Variants in DNAH9 observed in about 807,000 individuals in gnomAD.
The protein encoded by DNAH9 is DNAH9 variant protein.
A neutral mutation model predicts 471.6 loss-of-function variants in DNAH9; 345 were observed. The ratio of observed to expected loss-of-function variants is 0.73; its 90% CI spans 0.67 to 0.80. The LOEUF (loss-of-function observed/expected upper bound fraction) is 0.80, where lower values mean the gene tolerates loss of function less well. Ranked by LOEUF, DNAH9 falls within the 30% of genes least tolerant of loss-of-function variation. The pLI is 0.00. For missense variants in DNAH9, 5,407 were observed against 5,609.2 expected (o/e 0.96, Z 1.15); for synonymous variants, 2,093 against 2,123.6 (o/e 0.99, Z 0.40).
intron 26 of DNAH9, among the ~76,000 whole-genome samples, chr17:11,708,026 G>C (rs1315538217): frequency 7.4e-4 from 104 of 139,958 alleles, no homozygotes; most frequent in African/African-American, 2.8e-3. Context: ...GAGAGAGAGA[G>C]AGAGAGAGAG....
intron 68 of DNAH9, among the ~76,000 whole-genome samples, chr17:11,968,640 G>A (rs749317294): frequency 3.3e-5 from 5 of 152,186 alleles, no homozygotes; most frequent in Non-Finnish European, 5.9e-5. Flanking sequence ...AATATGGTAA[G>A]CACCACTTCC....
At chr17:11,719,047 G>A (rs1216442812) in intron 26 of DNAH9, among the ~76,000 whole-genome samples, 1 of 152,054 alleles carries the variant, frequency 6.6e-6, no homozygotes, top group Non-Finnish European at 1.5e-5. Flanking sequence ...GGACTGCAGA[G>A]GTTTGCAGCT....
chr17:11,917,250 G>A (rs1292233282), intron 61 of DNAH9, among the ~76,000 whole-genome samples: 5 of 151,998 alleles, frequency 3.3e-5, no homozygotes, highest in Admixed American at 1.3e-4. Context: ...TCCACCTCCC[G>A]GGTTCAAGCG....
chr17:11,768,548 C>T lies in DNAH9; in HGVS notation c.7266C>T (p.Ile2422=), dbSNP rs201337796. 9.9e-6 allele frequency: 16 copies of T among 1,614,136 alleles called. No individual in the cohort carries two copies. In the East Asian group the frequency reaches 1.8e-4, roughly 18 times the overall value. ...AAGGAACCATCTTTGACTATTACAT[C>T]GACCCAGAGACCAAGAAATTCGAGC... ...PSQGTIFDYY[I]DPETKKFEPW... is the part of the protein sequence containing the mutation. Residue 2422 remains isoleucine (I), a synonymous_variant, in exon 37 of 69, where the codon ATC becomes ATT. Coordinates refer to ENST00000262442, the MANE Select transcript of DNAH9 (RefSeq NM_001372.4).
chr17:11,820,911 A>AT (rs1374436705), intron 45 of DNAH9, among the ~76,000 whole-genome samples: 10 of 151,712 alleles, frequency 6.6e-5, no homozygotes, highest in African/African-American at 2.4e-4. Flanking sequence ...TATTTCCCCC[A>AT]TTTTTTCTCT....
intron 19 of DNAH9, among the ~76,000 whole-genome samples, chr17:11,683,793 C>G (rs1459105763): frequency 6.6e-6 from 1 of 152,198 alleles, no homozygotes; most frequent in Non-Finnish European, 1.5e-5. Flanking sequence ...AGATGAATCC[C>G]TGGAAGAGGA....
intron 50 of DNAH9, among the ~76,000 whole-genome samples, chr17:11,861,182 CAA>C: frequency 6.6e-6 from 1 of 151,976 alleles, no homozygotes; most frequent in Non-Finnish European, 1.5e-5. Context: ...CTCCCTCCCC[CAA>C]CCCCACAACA....
chr17:11,835,684 A>C (rs1362629088), intron 49 of DNAH9, among the ~76,000 whole-genome samples: 1 of 152,212 alleles, frequency 6.6e-6, no homozygotes, highest in Non-Finnish European at 1.5e-5. Context: ...AGATGCTCAC[A>C]TATGTTTTTT....
chr17:11,699,296 C>G (rs1361031146), intron 22 of DNAH9, among the ~76,000 whole-genome samples: 1 of 151,918 alleles, frequency 6.6e-6, no homozygotes, highest in African/African-American at 2.4e-5. Context: ...CCACAGGCCA[C>G]TGCCGCCACC....
At position 11,699,711 on chromosome 17, in the gene DNAH9, G is replaced by A. The variant is rs372098961; in HGVS notation, c.4873-20G>A. ...TCCCGAACATGTTTTATGATCCATTGGCCTGGTTTCCCTTCATAGGTTCAA... is the reference window on the plus strand; with the variant it reads ...TCCCGAACATGTTTTATGATCCATTAGCCTGGTTTCCCTTCATAGGTTCAA... On this transcript the variant is annotated intron_variant, in intron 22 of 68. Coordinates refer to ENST00000262442, the MANE Select transcript of DNAH9 (RefSeq NM_001372.4). 2 of 1,612,330 alleles carry A rather than the reference G, an allele frequency of 1.2e-6. No homozygotes were observed. The highest frequency in any genetic ancestry group is 2.7e-5 in the African/African-American group (2 of 74,860).
At chr17:11,787,550 G>A (rs1049594336) in intron 41 of DNAH9, among the ~76,000 whole-genome samples, 3 of 152,166 alleles carry the variant, frequency 2.0e-5, no homozygotes, top group Non-Finnish European at 4.4e-5. Context: ...GAACACTGTT[G>A]TTTTCCTTTA....
chr17:11,956,407 T>C (rs996789697), intron 67 of DNAH9, among the ~76,000 whole-genome samples: 11 of 152,096 alleles, frequency 7.2e-5, no homozygotes, highest in Middle Eastern at 3.4e-3. Context: ...GTTTCAAAAC[T>C]CCTCTCTCAA....
At chr17:11,953,048 C>G (rs762948972) in intron 67 of DNAH9, among the ~76,000 whole-genome samples, 1 of 152,114 alleles carries the variant, frequency 6.6e-6, no homozygotes, top group Non-Finnish European at 1.5e-5. Flanking sequence ...TCTTATAAGG[C>G]GAAAGTCCTA....
intron 17 of DNAH9, among the ~76,000 whole-genome samples, chr17:11,675,451 C>T (rs2074034248): frequency 6.6e-6 from 1 of 152,142 alleles, no homozygotes; most frequent in Non-Finnish European, 1.5e-5. Context: ...TCTTACCACT[C>T]TGGCTAGGAC....
At chr17:11,945,035 G>C (rs1260674412) in intron 67 of DNAH9, among the ~76,000 whole-genome samples, 3 of 152,214 alleles carry the variant, frequency 2.0e-5, no homozygotes, top group Non-Finnish European at 2.9e-5. Context: ...GGCAGGAGGG[G>C]TTCGCAGAGT....
At chr17:11,804,459 G>A (rs999975009) in intron 43 of DNAH9, among the ~76,000 whole-genome samples, 1 of 152,120 alleles carries the variant, frequency 6.6e-6, no homozygotes, top group Admixed American at 6.6e-5. Flanking sequence ...TGAAAAGCAG[G>A]CAATGGGCAT....
intron 6 of DNAH9, among the ~76,000 whole-genome samples, chr17:11,621,654 G>A (rs368644650): frequency 7.0e-4 from 107 of 152,262 alleles, no homozygotes; most frequent in African/African-American, 2.4e-3. Flanking sequence ...ATACAAAGAC[G>A]ACTGAAATGC....
At chr17:11,953,620 G>A (rs1869203143) in intron 67 of DNAH9, among the ~76,000 whole-genome samples, 1 of 152,016 alleles carries the variant, frequency 6.6e-6, no homozygotes, top group Non-Finnish European at 1.5e-5. Context: ...GACCATCCTG[G>A]CTAACGTGGT....
At chr17:11,823,984 C>T (rs1970405000) in intron 48 of DNAH9, among the ~76,000 whole-genome samples, 1 of 151,756 alleles carries the variant, frequency 6.6e-6, no homozygotes, top group South Asian at 2.1e-4. Context: ...TCATCCTGTC[C>T]TTGTTATGTT....
Sources: gnomAD v4.1 joint callset for allele counts (sites outside exome capture counted in the v4.1 genomes callset) on GRCh38, gnomAD v4.1.1 for gene constraint, MANE v1.5 for transcripts, NCBI Gene and HGNC (gene_info 2026-07-23, HGNC 2026-07-21) for gene names.